Variants in SRRT observed in about 807,000 individuals in gnomAD.
SRRT encodes serrate, RNA effector molecule.
SRRT carries 32 observed loss-of-function variants against 103.2 expected under a neutral mutation model. The observed-to-expected ratio is 0.31, with a 90% CI of 0.23 to 0.42. The LOEUF (loss-of-function observed/expected upper bound fraction) is 0.42. Ranked by LOEUF, SRRT falls within the 10% of genes least tolerant of loss-of-function variation. SRRT has a pLI of 1.00. For missense variants in SRRT, 986 were observed against 1,207.5 expected (o/e 0.82, Z 2.72); for synonymous variants, 525 against 449.0 (o/e 1.17, Z -2.14).
rs1790423179 is a variant in SRRT, at chr7:100,888,592, T to C, written c.*43T>C. 2 of 1,610,102 alleles carry C rather than the reference T, an allele frequency of 1.2e-6. No homozygotes were observed. The highest frequency in any genetic ancestry group is 1.7e-6 in the Non-Finnish European group (2 of 1,176,500). On this transcript the variant is annotated 3_prime_UTR_variant, in exon 20 of 20. Coordinates refer to ENST00000611405, the MANE Select transcript of SRRT (RefSeq NM_015908.6). ...AGTCCTGTATCATCCATACTTGTAC[T>C]ACCTTGTCCTATGAAGCTCTGAGAA... is the stretch of plus-strand genomic sequence containing the variant.
At chr7:100,883,935 ATC>A (rs776854259) in intron 5 of SRRT, 133 bp from the exon 6 acceptor site, 22 of 968,672 alleles carry the variant, frequency 2.3e-5, no homozygotes, top group Admixed American at 3.0e-5. Context: ...CTATCCCTTA[ATC>A]TCTCTATTTT....
intron 7 of SRRT, 87 bp from the exon 8 acceptor site, chr7:100,884,653 C>T (rs1225660303): frequency 7.9e-6 from 12 of 1,514,472 alleles, no homozygotes; most frequent in Non-Finnish European, 1.1e-5. Context: ...GGAAAATGAA[C>T]CTGTGGCCTC....
rs765517366 is a variant in SRRT at position 100,881,646 on chromosome 7, C to A, written c.252-13C>A. ...TCCCTTCTCTGCTTTACTTTTGTGT[C>A]CCCCACCTTCAGGGATGAGCACAGC... On this transcript the variant is annotated splice_polypyrimidine_tract_variant and intron_variant, in intron 3 of 19. Transcript: ENST00000611405. 1.2e-6 allele frequency: 2 copies of A among 1,613,810 alleles called. No homozygotes were observed. The highest frequency in any genetic ancestry group is 1.7e-6 in the Non-Finnish European group (2 of 1,179,956).
At chr7:100,883,468 C>A (rs151110645) in intron 5 of SRRT, among the ~76,000 whole-genome samples, 4 of 152,350 alleles carry the variant, frequency 2.6e-5, no homozygotes, top group East Asian at 1.9e-4. Flanking sequence ...TCTCTCTCCC[C>A]CTGTGGGCAG....
chr7:100,885,745 G>T lies in SRRT; in HGVS notation c.1362G>T (p.Glu454Asp). ...YPGFMRVALS[E>D]PQPERRFFRR... ...GCTTTATGCGGGTGGCGCTCTCAGA[G>T]CCCCAGCCAGAGAGGAGGTGAGTAA... Residue 454 changes from glutamate to aspartate, a missense_variant, in exon 11 of 20, where the codon GAG (glutamate) becomes GAT (aspartate). Glu to Asp is a conservative substitution (Grantham distance 45). This residue lies in a region of SRRT where 349 missense variants were observed against 446.9 expected (regional missense o/e 0.78). Coordinates refer to ENST00000611405, the MANE Select transcript of SRRT (RefSeq NM_015908.6). The surrounding 1 kb of genome is among the most constrained non-coding windows in gnomAD (Gnocchi z 4.8). 3 of 1,614,098 alleles carry T rather than the reference G, an allele frequency of 1.9e-6. No individual in the cohort carries two copies. Among genetic ancestry groups the T allele is most frequent in the Non-Finnish European group, 2.5e-6 (3 of 1,179,970 alleles).
intron 13 of SRRT, 92 bp downstream of exon 13, chr7:100,886,527 C>T: frequency 7.5e-7 from 1 of 1,325,178 alleles, no homozygotes; most frequent in Non-Finnish European, 1.0e-6. Context: ...GCCTTGAACC[C>T]TTGCACCCAC....
chr7:100,888,224 A>C (rs1790365432), intron 18 of SRRT, 33 bp from the exon 19 acceptor site: 1 of 1,601,578 alleles, frequency 6.2e-7, no homozygotes, highest in East Asian at 2.2e-5. Flanking sequence ...TTGAGGACAT[A>C]GTTTTGCAAC....
At position 100,882,388 on chromosome 7, in the gene SRRT, G is replaced by C. The variant is rs1789659570; in HGVS notation, c.587+147G>C. On this transcript the variant is annotated intron_variant, in intron 5 of 19. Transcript: ENST00000611405. This position sits in a 1 kb window ranked among gnomAD's most constrained non-coding sequence, Gnocchi z 4.2. ...GGAAGTATGACAGCATTGGCTGATGGGGTCTCCCCCTCACTTCAGCAACTG... is the reference window on the plus strand; with the variant it reads ...GGAAGTATGACAGCATTGGCTGATGCGGTCTCCCCCTCACTTCAGCAACTG... 8 of 860,960 alleles carry C rather than the reference G, an allele frequency of 9.3e-6. No homozygotes were observed. Among genetic ancestry groups the C allele is most frequent in the Non-Finnish European group, 1.4e-5 (8 of 570,590 alleles). The allele number at this position is 860,960 out of a possible 1,614,324, so 53.3% of individuals were successfully genotyped here. A position where few individuals can be genotyped will look rare whatever the true frequency, so the allele number is the denominator to read the frequency against.
intron 12 of SRRT, 146 bp from the exon 13 acceptor site, chr7:100,886,101 C>T: frequency 1.6e-6 from 2 of 1,250,234 alleles, no homozygotes; most frequent in Non-Finnish European, 2.2e-6. Flanking sequence ...AGGGCGTTAG[C>T]ATGGACGGAA....
Position 100,885,191 on chromosome 7 carries a change from TCCTA to T in SRRT, c.1160-19_1160-16del, listed in dbSNP as rs763060879. 1.4e-4 allele frequency: 221 copies of T among 1,610,192 alleles called. No homozygotes were observed. In the African/African-American group the frequency reaches 2.4e-3, roughly 17 times the overall value. ...CAGTAATAAAAATGCACCAACTCCT[TCCTA>T]CCCCCCTTCCTGCCTAGAAGAAGCG... is the stretch of plus-strand genomic sequence containing the variant. On this transcript the variant is annotated intron_variant, in intron 9 of 19. Coordinates refer to ENST00000611405, the MANE Select transcript of SRRT (RefSeq NM_015908.6). The surrounding 1 kb of genome is among the most constrained non-coding windows in gnomAD (Gnocchi z 4.8).
chr7:100,885,901 T>C lies in SRRT; in HGVS notation c.1418T>C (p.Val473Ala). 1 of 1,614,128 alleles carries C rather than the reference T, an allele frequency of 6.2e-7. No individual in the cohort carries two copies. The highest frequency in any genetic ancestry group is 8.5e-7 in the Non-Finnish European group (1 of 1,180,044). Reference protein sequence around the residue: ...RRGWVTFDRSVNIKEICWNLQ... With the variant: ...RRGWVTFDRSANIKEICWNLQ... Reference sequence around the variant, plus strand: ...GGCTGGGTGACCTTCGACCGCAGTGTTAACATTAAAGAGATCTGTTGGAAC... The same window carrying C: ...GGCTGGGTGACCTTCGACCGCAGTGCTAACATTAAAGAGATCTGTTGGAAC... Residue 473 changes from valine (V) to alanine (A), a missense_variant, in exon 12 of 20, where the codon GTT (valine) becomes GCT (alanine). By Grantham distance (64) the Val-to-Ala change is moderately conservative. Around this residue, in one of 6 missense-constraint regions of SRRT, gnomAD observed 349 missense variants for 446.9 expected, o/e 0.78. Transcript: ENST00000611405. The surrounding 1 kb of genome is among the most constrained non-coding windows in gnomAD (Gnocchi z 4.8).
rs572946795 is a variant in SRRT, at chr7:100,875,590, C to A, written c.-1C>A. On this transcript the variant is annotated 5_prime_UTR_variant, in exon 2 of 20. Coordinates refer to ENST00000611405, the MANE Select transcript of SRRT (RefSeq NM_015908.6). ...GTCCCCAGGCCCCCTCAGACCGTGC[C>A]ATGGGTGACAGTGATGACGAGTACG... The A allele has an allele frequency of 1.2e-6, 2 of 1,613,946 alleles. No individual in the cohort carries two copies. Among genetic ancestry groups the A allele is most frequent in the South Asian group, 2.2e-5 (2 of 91,064 alleles).
rs929198697 is a variant in SRRT, at chr7:100,882,367, G to A, written c.587+126G>A. Reference sequence around the variant, plus strand: ...ACTTTCTGGGGGCGGGGGTCGGGAAGTATGACAGCATTGGCTGATGGGGTC... The same window carrying A: ...ACTTTCTGGGGGCGGGGGTCGGGAAATATGACAGCATTGGCTGATGGGGTC... On this transcript the variant is annotated intron_variant, in intron 5 of 19. Coordinates refer to ENST00000611405, the MANE Select transcript of SRRT (RefSeq NM_015908.6). The surrounding 1 kb of genome is among the most constrained non-coding windows in gnomAD (Gnocchi z 4.2). 3 of 1,089,398 alleles carry A rather than the reference G, an allele frequency of 2.8e-6. No homozygotes were observed. The African/African-American group carries it at 4.8e-5, about 17-fold the overall frequency. The allele number at this position is 1,089,398 out of a possible 1,614,324, so 67.5% of individuals were successfully genotyped here. A position where few individuals can be genotyped will look rare whatever the true frequency, so the allele number is the denominator to read the frequency against.
Position 100,884,423 on chromosome 7 carries a change from G to A in SRRT, c.813G>A (p.Glu271=), listed in dbSNP as rs1170907348. 24 of 1,612,658 alleles carry A rather than the reference G, an allele frequency of 1.5e-5. No homozygotes were observed. The highest frequency in any genetic ancestry group is 1.8e-5 in the Non-Finnish European group (21 of 1,179,018). ...TENDLRILEQ[E]EEEEQAGKPG... ...ATGATCTTCGCATCCTGGAGCAGGA[G>A]GAGGAGGAGGAGCAGGCAGGAAAGC... The change falls in exon 7 of 20, where the codon GAG becomes GAA. Residue 271 remains glutamate (E), a synonymous_variant. Transcript: ENST00000611405.
In SRRT at chr7:100,884,798, A is replaced by T; in HGVS notation, c.1001A>T (p.Lys334Met). Residue 334 changes from lysine (K) to methionine (M), a missense_variant, in exon 8 of 20, where the codon AAG (lysine) becomes ATG (methionine). Transcript: ENST00000611405. ...KTKKSEGDGD[K>M]EEKKEDSEKE... is the part of the protein sequence containing the mutation. ...AAGAAGTCGGAGGGTGATGGGGACA[A>T]GGAAGAGAAGAAAGAAGACTCCGAG... 1.2e-6 allele frequency: 2 copies of T among 1,614,064 alleles called. No homozygotes were observed. Among genetic ancestry groups the T allele is most frequent in the Non-Finnish European group, 1.7e-6 (2 of 1,179,988 alleles).
At chr7:100,881,571 A>G in intron 3 of SRRT, 88 bp from the exon 4 acceptor site, 4 of 1,588,248 alleles carry the variant, frequency 2.5e-6, no homozygotes, top group Non-Finnish European at 3.4e-6. Context: ...CTGGGAGACC[A>G]TGCTGTGTGT....
rs551313012 is a variant in SRRT, at chr7:100,875,765, C to T, written c.122+53C>T. The T allele has an allele frequency of 2.1e-5, 34 of 1,603,866 alleles. No individual in the cohort carries two copies. The South Asian group carries it at 2.2e-4, about 10-fold the overall frequency. On this transcript the variant is annotated intron_variant, in intron 2 of 19. Coordinates refer to ENST00000611405, the MANE Select transcript of SRRT (RefSeq NM_015908.6). Reference sequence around the variant, plus strand: ...CCCGTTTCATGCCGTTTCACTCCACCCGCGTCGCTTTTCTTTCTCCCCCTT... The same window carrying T: ...CCCGTTTCATGCCGTTTCACTCCACTCGCGTCGCTTTTCTTTCTCCCCCTT...
At position 100,887,537 on chromosome 7, in the gene SRRT, G is replaced by GTGC. The variant is rs1790255415; in HGVS notation, c.2169+26_2169+28dup. On this transcript the variant is annotated intron_variant, in intron 16 of 19. Transcript: ENST00000611405. This position sits in a 1 kb window ranked among gnomAD's most constrained non-coding sequence, Gnocchi z 4.1. ...AGGTGTGGGATGTTGGAGAATGGCC[G>GTGC]TGCTACGGTGGTGGGAGGTGGGGTT... 6.2e-7 allele frequency: 1 copy of GTGC among 1,609,702 alleles called. No homozygotes were observed. The highest frequency in any genetic ancestry group is 1.3e-5 in the African/African-American group (1 of 74,858).
intron 2 of SRRT, among the ~76,000 whole-genome samples, chr7:100,877,126 TAAAAA>T (rs113003080): frequency 7.0e-6 from 1 of 143,138 alleles, no homozygotes; most frequent in Non-Finnish European, 1.5e-5. Flanking sequence ...AGCAAAGAGT[TAAAAA>T]AAAAAAGCCA....
Sources: gnomAD v4.1 joint callset for allele counts (sites outside exome capture counted in the v4.1 genomes callset) on GRCh38, gnomAD v4.1.1 for gene constraint, gnomAD v4.1.1 regional missense constraint, Gnocchi (gnomAD v3.1) non-coding constraint, MANE v1.5 for transcripts, NCBI Gene and HGNC (gene_info 2026-07-23, HGNC 2026-07-21) for gene names.